The following NISCH variants were observed in gnomAD, a reference collection of about 807,000 sequenced individuals.
NISCH encodes the protein I-1 receptor candidate protein.
Under a neutral mutation model 138.4 loss-of-function variants are expected in NISCH, and 55 were observed. The observed-to-expected ratio is 0.40, with a 90% CI of 0.32 to 0.50. The LOEUF is 0.50. Among genes scored for constraint, NISCH ranks in the 20% least tolerant of loss-of-function variants. The pLI is 0.71. For synonymous variants in NISCH, 860 were observed against 861.5 expected (o/e 1.00, Z 0.03); for missense variants, 1,643 against 2,005.5 (o/e 0.82, Z 3.45).
chr3:52,477,519 C>A (rs1052257287), intron 8 of NISCH, 55 bp from the exon 9 acceptor site: 1 of 1,477,052 alleles, frequency 6.8e-7, no homozygotes, highest in Non-Finnish European at 9.5e-7. Context: ...TGTCGGGGAC[C>A]GTGTTTGGGG....
Position 52,477,564 on chromosome 3 carries a change from CT to C in NISCH, c.919-7del, listed in dbSNP as rs756498867. On this transcript the variant is annotated splice_polypyrimidine_tract_variant and intron_variant, in intron 8 of 20. Coordinates refer to ENST00000345716, the MANE Select transcript of NISCH (RefSeq NM_007184.4). ...CTACAGTAACATCGGGTGTTCTTTT[CT>C]TTCACAAGAAACTGATCCCAAAGAT... is the stretch of plus-strand genomic sequence containing the variant. 1 of 1,613,318 alleles carries C rather than the reference CT, an allele frequency of 6.2e-7. No homozygotes were observed. The highest frequency in any genetic ancestry group is 1.7e-5 in the Admixed American group (1 of 60,030).
At chr3:52,484,462 T>TTCCCCCC in intron 13 of NISCH, 51 bp from the exon 14 acceptor site, 1 of 788,670 alleles carries the variant, frequency 1.3e-6, no homozygotes, top group Non-Finnish European at 1.8e-6. Context: ...ACAGCCGCTC[T>TTCCCCCC]CCCCGCCCCA....
chr3:52,480,630 G>A, intron 13 of NISCH: 1 of 1,425,432 alleles, frequency 7.0e-7, no homozygotes, highest in Non-Finnish European at 9.1e-7. Flanking sequence ...CTCACCGGCA[G>A]CACAAGCAGG....
In NISCH at chr3:52,457,899, C is replaced by G; in HGVS notation, c.150C>G (p.Tyr50Ter). 6.2e-7 allele frequency: 1 copy of G among 1,611,368 alleles called. No homozygotes were observed. The highest frequency in any genetic ancestry group is 8.5e-7 in the Non-Finnish European group (1 of 1,177,682). ...GSHEWTVKHRYSDFHDLHEKL... is the reference protein window; with the variant it reads ...GSHEWTVKHR ...ATGAGTGGACAGTAAAGCACCGCTA[C>G]AGCGACTTCCATGACCTGCATGAAA... Residue 50 changes from tyrosine (Y) to a stop codon, truncating the protein, a stop_gained, in exon 2 of 21, where the codon TAC (tyrosine) becomes TAG (stop). Transcript: ENST00000345716. LOFTEE classifies it high-confidence loss of function.
chr3:52,460,410 T>C (rs2153230625), intron 3 of NISCH, among the ~76,000 whole-genome samples: 1 of 150,784 alleles, frequency 6.6e-6, no homozygotes, highest in East Asian at 1.9e-4. Flanking sequence ...ATTTTTTTTT[T>C]TTTTTTTTTG....
chr3:52,485,848 G>A (rs1413925214), intron 15 of NISCH, 21 bp downstream of exon 15: 2 of 1,568,324 alleles, frequency 1.3e-6, no homozygotes, highest in South Asian at 2.3e-5. Context: ...GGTTGGAAAG[G>A]GACCTGGGCC....
At chr3:52,480,022 C>A in intron 12 of NISCH, 160 bp downstream of exon 12, 1 of 969,548 alleles carries the variant, frequency 1.0e-6, no homozygotes, top group Non-Finnish European at 1.6e-6. Flanking sequence ...TCTCTGTTCT[C>A]TGTGGGGTGG....
chr3:52,462,913 G>A (rs1706677276), intron 3 of NISCH, among the ~76,000 whole-genome samples: 1 of 152,212 alleles, frequency 6.6e-6, no homozygotes, highest in African/African-American at 2.4e-5. Flanking sequence ...TGGGATTACA[G>A]GCATGAGCCA....
At chr3:52,467,226 C>T (rs921296185) in intron 3 of NISCH, among the ~76,000 whole-genome samples, 17 of 152,088 alleles carry the variant, frequency 1.1e-4, no homozygotes, top group Non-Finnish European at 2.1e-4. Context: ...GTCTTGAACT[C>T]CTGACCTCAA....
chr3:52,481,720 C>G (rs1707280315), intron 13 of NISCH: 1 of 985,440 alleles, frequency 1.0e-6, no homozygotes, highest in Admixed American at 6.1e-5. Context: ...CACCATGTCC[C>G]CAGGCTGCAG....
At position 52,458,793 on chromosome 3, in the gene NISCH, C is replaced by T. The variant is rs1335140935; in HGVS notation, c.309C>T (p.Phe103=). ...ACCTCCAGAAGCTCCTGGCTGCCTT[C>T]CCTGGCGTGACCCCCAGAGTACTGG... The part of the protein sequence containing the change: ...EVYLQKLLAA[F]PGVTPRVLAH... Residue 103 remains phenylalanine, a synonymous_variant, in exon 3 of 21, where the codon TTC becomes TTT. Coordinates refer to ENST00000345716, the MANE Select transcript of NISCH (RefSeq NM_007184.4). 1.9e-6 allele frequency: 3 copies of T among 1,612,804 alleles called. No homozygotes were observed. The highest frequency in any genetic ancestry group is 2.5e-6 in the Non-Finnish European group (3 of 1,179,954).
chr3:52,461,237 GAAA>G (rs1706623788), intron 3 of NISCH, among the ~76,000 whole-genome samples: 1 of 151,914 alleles, frequency 6.6e-6, no homozygotes, highest in African/African-American at 2.4e-5. Context: ...CTGTCTCAAA[GAAA>G]AAAACAAAAA....
rs746119436 is a variant in NISCH at position 52,490,829 on chromosome 3, G to T, written c.3738G>T (p.Leu1246=). Residue 1246 remains leucine (L), a synonymous_variant, in exon 19 of 21, where the codon CTG becomes CTT. Coordinates refer to ENST00000345716, the MANE Select transcript of NISCH (RefSeq NM_007184.4). ...NVGLFDQHFR[L]TGSTPMQVVT... is the part of the protein sequence containing the mutation. The stretch of plus-strand genomic sequence containing the variant: ...GGCTTTTCGACCAGCATTTCCGGCT[G>T]ACGGGTGGGTGACCCTCTGTGCTTT... The T allele has an allele frequency of 5.6e-6, 9 of 1,614,018 alleles. No homozygotes were observed. In the African/African-American group the frequency reaches 1.2e-4, roughly 22 times the overall value.
intron 3 of NISCH, among the ~76,000 whole-genome samples, 165 bp downstream of exon 3, chr3:52,459,009 A>G (rs1375463810): frequency 1.3e-5 from 2 of 152,214 alleles, no homozygotes; most frequent in East Asian, 1.9e-4. Context: ...GGCCAGAAGC[A>G]TGTTAGTTGA....
chr3:52,470,957 A>G (rs549090083), intron 4 of NISCH, 50 bp downstream of exon 4: 3 of 1,597,756 alleles, frequency 1.9e-6, no homozygotes, highest in Admixed American at 1.7e-5. Flanking sequence ...GTGTAGTTTT[A>G]TGAGGCGGCC....
chr3:52,476,168 C>G (rs1242237725), intron 7 of NISCH: 6 of 383,610 alleles, frequency 1.6e-5, no homozygotes, highest in Admixed American at 7.7e-5. Flanking sequence ...AAAGGCATCA[C>G]CAGGTCACCA....
intron 3 of NISCH, among the ~76,000 whole-genome samples, chr3:52,463,583 A>G (rs377413432): frequency 2.0e-5 from 3 of 152,082 alleles, no homozygotes; most frequent in South Asian, 2.1e-4. Flanking sequence ...TATAGGTTCT[A>G]ATTTCCCCAC....
Position 52,488,186 on chromosome 3 carries a change from T to C in NISCH, c.2694T>C (p.Ser898=). 6.2e-7 allele frequency: 1 copy of C among 1,613,336 alleles called. No individual in the cohort carries two copies. The highest frequency in any genetic ancestry group is 8.5e-7 in the Non-Finnish European group (1 of 1,179,960). Residue 898 remains serine, a synonymous_variant, in exon 16 of 21, where the codon TCT becomes TCC. Coordinates refer to ENST00000345716, the MANE Select transcript of NISCH (RefSeq NM_007184.4). ...SAVRRSCCAP[S]EAVKSAAIPY... ...TGCGGCGCTCCTGCTGCGCGCCCTC[T>C]GAGGCCGTCAAGTCCGCCGCCATCC... is the stretch of plus-strand genomic sequence containing the variant.
At position 52,492,247 on chromosome 3, in the gene NISCH, C is replaced by T. The variant is rs144845982; in HGVS notation, c.4280C>T (p.Pro1427Leu). 258 of 1,613,218 alleles carry T rather than the reference C, an allele frequency of 1.6e-4. No homozygotes were observed. Among genetic ancestry groups the T allele is most frequent in the East Asian group, 4.0e-4 (18 of 44,882 alleles). The change falls in exon 21 of 21, where the codon CCG becomes CTG. Residue 1427 changes from proline (P) to leucine (L), a missense_variant. Pro to Leu is a moderately conservative substitution (Grantham distance 98, BLOSUM62 -3). Transcript: ENST00000345716. ...DRVLMGYQTY[P>L]QALTLVFDDV... The stretch of plus-strand genomic sequence containing the variant: ...GTGCTCATGGGCTACCAGACCTACC[C>T]GCAGGCCCTCACCCTCGTCTTCGAT...
Sources: allele counts gnomAD v4.1 joint callset (sites outside exome capture counted in the v4.1 genomes callset), GRCh38; gene constraint gnomAD v4.1.1; transcripts MANE v1.5; gene names NCBI Gene and HGNC (gene_info 2026-07-23, HGNC 2026-07-21).